FCHSD2: variants seen among roughly 807,000 people sequenced by gnomAD.
FCHSD2 encodes FCH and double SH3 domains 2.
FCHSD2 carries 38 observed loss-of-function variants against 108.1 expected under a neutral mutation model. That is an observed-to-expected ratio of 0.35 (90% CI 0.27 to 0.46). The LOEUF (loss-of-function observed/expected upper bound fraction) is 0.46. Ranked by LOEUF, FCHSD2 falls within the 20% of genes least tolerant of loss-of-function variation. The probability of loss-of-function intolerance (pLI) is 1.00; values close to 1 mark genes in which losing one functional copy is unlikely to be tolerated. For missense variants in FCHSD2, 751 were observed against 897.8 expected, an observed-to-expected ratio of 0.84 and a Z score of 2.09; for synonymous variants, 279 against 314.7, an observed-to-expected ratio of 0.89 and a Z score of 1.20.
intron 2 of FCHSD2, among the ~76,000 whole-genome samples, chr11:73,090,068 A>T (rs1270746261): frequency 1.3e-5 from 2 of 152,152 alleles, no homozygotes; most frequent in Non-Finnish European, 2.9e-5. Flanking sequence ...GAAAATTCTC[A>T]GGGAAAAAAG....
intron 13 of FCHSD2, among the ~76,000 whole-genome samples, chr11:72,851,985 TCCTGCC>T (rs1861301277): frequency 6.7e-6 from 1 of 148,186 alleles, no homozygotes; most frequent in Admixed American, 6.7e-5. Flanking sequence ...CAAGCAATCT[TCCTGCC>T]TCAGCCTCCC....
chr11:72,911,462 A>T (rs1026915244), intron 9 of FCHSD2, among the ~76,000 whole-genome samples: 2 of 152,084 alleles, frequency 1.3e-5, no homozygotes, highest in Non-Finnish European at 2.9e-5. Flanking sequence ...AGCTTTGGTT[A>T]TTCTGGGTCT....
At chr11:73,007,270 T>C (rs1455584820) in intron 4 of FCHSD2, among the ~76,000 whole-genome samples, 3 of 152,122 alleles carry the variant, frequency 2.0e-5, no homozygotes, top group African/African-American at 7.2e-5. Context: ...TTTATGAATA[T>C]CATATAAGAT....
chr11:72,970,231 G>A lies in FCHSD2; in HGVS notation c.705+13857C>T, dbSNP rs1856983784. On this transcript the variant is annotated intron_variant, in intron 8 of 19. Coordinates refer to ENST00000409418, the MANE Select transcript of FCHSD2 (RefSeq NM_014824.3). ...TTCCTTTCTTAACCCCAAAATTAAT[G>A]CTAACAGTGCTCACCACCTCAAGTT... 2.6e-5 allele frequency among the ~76,000 whole-genome samples: 4 copies of A among 152,100 alleles called. No individual in the cohort carries two copies. The South Asian group carries it at 8.3e-4, about 32-fold the overall frequency.
chr11:72,843,771 C>T (rs1565283407), intron 14 of FCHSD2: 1 of 499,666 alleles, frequency 2.0e-6, no homozygotes, highest in African/African-American at 1.9e-5. Context: ...CAATGACGTT[C>T]AATGAACAGA....
At chr11:72,941,352 T>C (rs1856414351) in intron 8 of FCHSD2, among the ~76,000 whole-genome samples, 1 of 151,672 alleles carries the variant, frequency 6.6e-6, no homozygotes, top group South Asian at 2.1e-4. Context: ...ACGTTCAAAA[T>C]AGTATCTAAG....
chr11:72,995,321 A>G (rs1440289493), intron 5 of FCHSD2, among the ~76,000 whole-genome samples: 2 of 152,156 alleles, frequency 1.3e-5, no homozygotes, highest in African/African-American at 4.8e-5. Flanking sequence ...ACACTCCCAT[A>G]AAGAAGTGCT....
intron 2 of FCHSD2, among the ~76,000 whole-genome samples, chr11:73,118,517 T>C (rs1286240969): frequency 1.3e-5 from 2 of 152,226 alleles, no homozygotes; most frequent in Non-Finnish European, 2.9e-5. Context: ...CAGTATATAT[T>C]CTTGTATCTG....
chr11:72,868,766 A>G (rs2135206581), intron 12 of FCHSD2, among the ~76,000 whole-genome samples: 1 of 152,136 alleles, frequency 6.6e-6, no homozygotes, highest in Middle Eastern at 3.4e-3. Context: ...ACTTAAAAGG[A>G]AAAAAAATCA....
intron 2 of FCHSD2, among the ~76,000 whole-genome samples, chr11:73,090,520 C>T (rs1282495829): frequency 1.3e-5 from 2 of 152,064 alleles, no homozygotes; most frequent in East Asian, 1.9e-4. Context: ...CCACCGCGCG[C>T]GGCCTACAAT....
chr11:72,848,465 A>G (rs1045050661), intron 14 of FCHSD2, among the ~76,000 whole-genome samples: 5 of 152,172 alleles, frequency 3.3e-5, no homozygotes, highest in South Asian at 2.1e-4. Flanking sequence ...ATTTCTCCCA[A>G]TGATCCAGGT....
At chr11:72,857,285 AC>A (rs1321969494) in intron 13 of FCHSD2, among the ~76,000 whole-genome samples, 1 of 152,132 alleles carries the variant, frequency 6.6e-6, no homozygotes, top group Non-Finnish European at 1.5e-5. Flanking sequence ...TGTTTTCTTG[AC>A]CCAGCATTTC....
chr11:72,960,114 C>T lies in FCHSD2; in HGVS notation c.705+23974G>A, dbSNP rs191014379. ...AGTTCTGCAGACTGTACAAAAAGCA[C>T]AGTGCCAGGATCTATTTCTGGTGAG... On this transcript the variant is annotated intron_variant, in intron 8 of 19. Coordinates refer to ENST00000409418, the MANE Select transcript of FCHSD2 (RefSeq NM_014824.3). 9.5e-4 allele frequency among the ~76,000 whole-genome samples: 145 copies of T among 152,200 alleles called. 1 individual carries two copies. Among genetic ancestry groups the T allele is most frequent in the Non-Finnish European group, 1.8e-4 (12 of 68,012 alleles).
Position 73,119,367 on chromosome 11 carries a change from T to C in FCHSD2, c.119+20664A>G, listed in dbSNP as rs1258177560. ...ATAGAATTCTGTATTATGTAACTAG[T>C]GTATTAATCATTAAATTCAAATCTA... is the stretch of plus-strand genomic sequence containing the variant. On this transcript the variant is annotated intron_variant, in intron 2 of 19. Coordinates refer to ENST00000409418, the MANE Select transcript of FCHSD2 (RefSeq NM_014824.3). 2.6e-5 allele frequency among the ~76,000 whole-genome samples: 4 copies of C among 152,168 alleles called. No individual in the cohort carries two copies. In the East Asian group the frequency reaches 7.7e-4, roughly 29 times the overall value.
At chr11:73,085,230 T>A (rs550888726) in intron 2 of FCHSD2, among the ~76,000 whole-genome samples, 4 of 152,294 alleles carry the variant, frequency 2.6e-5, no homozygotes, top group African/African-American at 4.8e-5. Flanking sequence ...GATTTTTTTT[T>A]AAATGTTTAT....
chr11:73,031,944 T>C (rs867817728), intron 3 of FCHSD2, among the ~76,000 whole-genome samples: 2 of 152,214 alleles, frequency 1.3e-5, no homozygotes, highest in Admixed American at 6.5e-5. Flanking sequence ...CTGGTATGTA[T>C]ATTCTGCCAG....
intron 13 of FCHSD2, among the ~76,000 whole-genome samples, chr11:72,854,507 T>C (rs991672396): frequency 6.6e-6 from 1 of 152,172 alleles, no homozygotes; most frequent in Non-Finnish European, 1.5e-5. Context: ...TCATAGCTCA[T>C]TGCAGCTTTG....
At chr11:72,933,590 A>T (rs1305604676) in intron 8 of FCHSD2, among the ~76,000 whole-genome samples, 1 of 152,214 alleles carries the variant, frequency 6.6e-6, no homozygotes, top group Non-Finnish European at 1.5e-5. Flanking sequence ...AACTTATATT[A>T]GCCATATCCA....
In FCHSD2 at chr11:72,838,448, G is replaced by A. The variant is rs1432117068; in HGVS notation, c.*343C>T. On this transcript the variant is annotated 3_prime_UTR_variant, in exon 20 of 20. Coordinates refer to ENST00000409418, the MANE Select transcript of FCHSD2 (RefSeq NM_014824.3). ...AGTAATATACTGTACGAGTGCACATGATCAGTAATTTAGGGACTGTGCCCT... is the reference window on the plus strand; with the variant it reads ...AGTAATATACTGTACGAGTGCACATAATCAGTAATTTAGGGACTGTGCCCT... 3.0e-6 allele frequency: 1 copy of A among 332,098 alleles called. No homozygotes were observed. Among genetic ancestry groups the A allele is most frequent in the Non-Finnish European group, 5.8e-6 (1 of 173,224 alleles). The allele number at this position is 332,098 out of a possible 1,614,324, so 20.6% of individuals were successfully genotyped here.
Sources: gnomAD v4.1 joint callset for allele counts (sites outside exome capture counted in the v4.1 genomes callset) on GRCh38, gnomAD v4.1.1 for gene constraint, MANE v1.5 for transcripts, NCBI Gene and HGNC (gene_info 2026-07-23, HGNC 2026-07-21) for gene names.